The following CAMK2A variants were observed in gnomAD, a reference collection of about 807,000 sequenced individuals.
CAMK2A encodes calcium/calmodulin dependent protein kinase II alpha.
CAMK2A carries 7 observed loss-of-function variants against 79.2 expected under a neutral mutation model. The observed-to-expected ratio is 0.09, with a 90% confidence interval of 0.05 to 0.17. CAMK2A has a LOEUF of 0.17. Ranked by LOEUF, CAMK2A falls within the 10% of genes least tolerant of loss-of-function variation. CAMK2A has a pLI of 1.00. For missense variants in CAMK2A, 214 were observed against 646.4 expected (o/e 0.33, Z 7.25); for synonymous variants, 242 against 251.7 (o/e 0.96, Z 0.36).
intron 6 of CAMK2A, among the ~76,000 whole-genome samples, chr5:150,255,305 C>T (rs748547962): frequency 6.6e-6 from 1 of 152,176 alleles, no homozygotes; most frequent in African/African-American, 2.4e-5. Context: ...GGGAGCTTGC[C>T]TAGGGCTCAG....
At chr5:150,244,068 A>G (rs1755459277) in intron 13 of CAMK2A, among the ~76,000 whole-genome samples, 1 of 152,256 alleles carries the variant, frequency 6.6e-6, no homozygotes, top group Non-Finnish European at 1.5e-5. Flanking sequence ...CTAGCACCCA[A>G]GATGAGAAGG....
At chr5:150,289,498 A>C (rs1031893739) in intron 1 of CAMK2A, 66 bp downstream of exon 1, 2 of 1,230,112 alleles carry the variant, frequency 1.6e-6, no homozygotes, top group Non-Finnish European at 2.4e-6. Flanking sequence ...AGGCACACAC[A>C]CCCCACTAGA....
intron 2 of CAMK2A, among the ~76,000 whole-genome samples, chr5:150,269,123 A>G (rs1756631985): frequency 6.6e-6 from 1 of 152,116 alleles, no homozygotes; most frequent in Admixed American, 6.5e-5. Flanking sequence ...GAGTCCCATG[A>G]TGGTGAGAGA....
intron 15 of CAMK2A, among the ~76,000 whole-genome samples, chr5:150,236,136 T>C (rs961150439): frequency 1.1e-4 from 16 of 152,170 alleles, no homozygotes; most frequent in African/African-American, 3.9e-4. Flanking sequence ...CTGATCGCTC[T>C]AAAGCAGAGG....
In CAMK2A at chr5:150,239,232, G is replaced by A. The variant is rs1167594644; in HGVS notation, c.1017+472C>T. 5.9e-5 allele frequency among the ~76,000 whole-genome samples: 9 copies of A among 152,256 alleles called. No individual in the cohort carries two copies. In the East Asian group the frequency reaches 1.4e-3, roughly 23 times the overall value. On this transcript the variant is annotated intron_variant, in intron 14 of 18. Coordinates refer to ENST00000671881, the MANE Select transcript of CAMK2A (RefSeq NM_015981.4). The stretch of plus-strand genomic sequence containing the variant: ...GAGGTGGGCCACCATGCCACCACTG[G>A]ACCCTAGACAGAGGCAGGGCTGGTG...
chr5:150,228,310 A>G, intron 16 of CAMK2A, 24 bp from the exon 17 acceptor site: 2 of 1,582,472 alleles, frequency 1.3e-6, no homozygotes, highest in Non-Finnish European at 1.7e-6. Flanking sequence ...GCCAGAGGGA[A>G]GAGGGACTGG....
chr5:150,270,860 C>T (rs1756719406), intron 2 of CAMK2A, among the ~76,000 whole-genome samples: 1 of 152,190 alleles, frequency 6.6e-6, no homozygotes, highest in Admixed American at 6.5e-5. Flanking sequence ...CCCAGGAGTG[C>T]TTAGTCACCT....
chr5:150,275,806 G>A (rs919607865), intron 1 of CAMK2A, among the ~76,000 whole-genome samples: 1 of 150,380 alleles, frequency 6.6e-6, no homozygotes, highest in African/African-American at 2.5e-5. Context: ...CACCTTCGGG[G>A]TATGTGGATG....
rs1342086528 is a variant in CAMK2A, at chr5:150,222,587, A to G, written c.*123T>C. ...TTTTCTTGATGCAGGTACAGAAGTG[A>G]CGGTGGTGGGGTGATGACATGGGAG... On this transcript the variant is annotated 3_prime_UTR_variant, in exon 19 of 19. Transcript: ENST00000671881. 1 of 1,059,740 alleles carries G rather than the reference A, an allele frequency of 9.4e-7. No individual in the cohort carries two copies. The highest frequency in any genetic ancestry group is 1.6e-5 in the African/African-American group (1 of 64,168). 65.6% of individuals were successfully genotyped at this position (1,059,740 alleles called of 1,614,324 possible).
intron 15 of CAMK2A, among the ~76,000 whole-genome samples, chr5:150,236,127 T>C (rs933879417): frequency 1.2e-4 from 18 of 152,178 alleles, no homozygotes; most frequent in Non-Finnish European, 2.2e-4. Context: ...TACCCCATCC[T>C]GATCGCTCTA....
intron 16 of CAMK2A, among the ~76,000 whole-genome samples, chr5:150,228,701 G>T (rs189569644): frequency 3.3e-5 from 5 of 152,138 alleles, no homozygotes; most frequent in Non-Finnish European, 1.5e-5. Context: ...TCTTCCTGTG[G>T]GGTCGGGATG....
At position 150,222,581 on chromosome 5, in the gene CAMK2A, G is replaced by A. The variant is rs1269252049; in HGVS notation, c.*129C>T. On this transcript the variant is annotated 3_prime_UTR_variant, in exon 19 of 19. Coordinates refer to ENST00000671881, the MANE Select transcript of CAMK2A (RefSeq NM_015981.4). ...AGCAGGTTTTCTTGATGCAGGTACA[G>A]AAGTGACGGTGGTGGGGTGATGACA... The A allele has an allele frequency of 2.0e-6, 2 of 1,016,716 alleles. No homozygotes were observed. Among genetic ancestry groups the A allele is most frequent in the Non-Finnish European group, 1.5e-6 (1 of 649,502 alleles). 63.0% of individuals were successfully genotyped at this position (1,016,716 alleles called of 1,614,324 possible).
In CAMK2A at chr5:150,255,121, T is replaced by C. The variant is rs560397641; in HGVS notation, c.411+1452A>G. On this transcript the variant is annotated intron_variant, in intron 6 of 18. Coordinates refer to ENST00000671881, the MANE Select transcript of CAMK2A (RefSeq NM_015981.4). ...AACCGTCCTGCCCTGATTTGATGAATGTGTCACTAATTATTATATCCAGAG... is the reference window on the plus strand; with the variant it reads ...AACCGTCCTGCCCTGATTTGATGAACGTGTCACTAATTATTATATCCAGAG... Among the ~76,000 whole-genome samples the C allele has an allele frequency of 3.3e-5, 5 of 152,332 alleles. No homozygotes were observed. In the South Asian group the frequency reaches 1.0e-3, roughly 32 times the overall value.
intron 18 of CAMK2A, 82 bp downstream of exon 18, chr5:150,222,907 C>T: frequency 6.9e-7 from 1 of 1,444,862 alleles, no homozygotes; most frequent in Non-Finnish European, 9.7e-7. Flanking sequence ...CTGAAGGCAG[C>T]AGCTTCCCCG....
In CAMK2A at chr5:150,221,648, A is replaced by T. The variant is rs143235845; in HGVS notation, c.*1062T>A. 7.5e-5 allele frequency: 30 copies of T among 398,316 alleles called. No homozygotes were observed. Among genetic ancestry groups the T allele is most frequent in the African/African-American group, 4.5e-4 (22 of 48,636 alleles). The allele number at this position is 398,316 out of a possible 1,614,324, so 24.7% of individuals were successfully genotyped here. A position where few individuals can be genotyped will look rare whatever the true frequency, so the allele number is the denominator to read the frequency against. ...CAGTCCCAAAAGGAACGCCTGTGTC[A>T]GCTCACCTTGGGACCGAAATGGCAG... On this transcript the variant is annotated 3_prime_UTR_variant, in exon 19 of 19. Coordinates refer to ENST00000671881, the MANE Select transcript of CAMK2A (RefSeq NM_015981.4).
At chr5:150,259,338 G>A (rs931733345) in intron 3 of CAMK2A, among the ~76,000 whole-genome samples, 3 of 152,018 alleles carry the variant, frequency 2.0e-5, no homozygotes, top group Admixed American at 2.0e-4. Context: ...TGGGCAACAT[G>A]ATGAAACCCC....
chr5:150,237,840 C>T (rs184142876), intron 15 of CAMK2A, among the ~76,000 whole-genome samples: 1 of 152,254 alleles, frequency 6.6e-6, no homozygotes, highest in Admixed American at 6.5e-5. Context: ...TTGTTTTATC[C>T]TTACTCACAA....
intron 14 of CAMK2A, 120 bp downstream of exon 14, chr5:150,239,584 C>G: frequency 2.3e-6 from 2 of 866,010 alleles, no homozygotes; most frequent in Non-Finnish European, 3.9e-6. Context: ...GCACACGTAC[C>G]AAGCACGCCC....
chr5:150,244,978 G>A (rs538900103), intron 13 of CAMK2A, among the ~76,000 whole-genome samples, 183 bp downstream of exon 13: 9 of 151,670 alleles, frequency 5.9e-5, no homozygotes, highest in East Asian at 5.9e-4. Context: ...CAACAGTCAC[G>A]GCGCAACGGT....
Sources: gnomAD v4.1 joint callset for allele counts (sites outside exome capture counted in the v4.1 genomes callset) on GRCh38, gnomAD v4.1.1 for gene constraint, MANE v1.5 for transcripts, NCBI Gene and HGNC (gene_info 2026-07-23, HGNC 2026-07-21) for gene names.